The following SLC10A7 variants were observed in gnomAD, a reference collection of about 807,000 sequenced individuals.
The protein encoded by SLC10A7 is sodium/bile acid cotransporter 7.
A neutral mutation model predicts 43.2 loss-of-function variants in SLC10A7; 29 were observed. That is an observed-to-expected ratio of 0.67 (90% CI 0.50 to 0.92). The LOEUF is 0.92. SLC10A7 is among the 40% of genes least tolerant of loss of function. The pLI is 0.00. For missense variants in SLC10A7, 295 were observed against 403.2 expected (o/e 0.73, Z 2.30); for synonymous variants, 152 against 144.8 (o/e 1.05, Z -0.35).
chr4:146,483,926 C>T (rs2149991518), intron 4 of SLC10A7, among the ~76,000 whole-genome samples: 1 of 152,180 alleles, frequency 6.6e-6, no homozygotes, highest in Middle Eastern at 3.4e-3. Flanking sequence ...ATCAAGAGGA[C>T]ATAACCACAG....
chr4:146,300,186 G>T (rs1238575030), intron 7 of SLC10A7, among the ~76,000 whole-genome samples: 1 of 152,164 alleles, frequency 6.6e-6, no homozygotes, highest in Non-Finnish European at 1.5e-5. Flanking sequence ...TGAGACTGAA[G>T]AATTACTGAA....
chr4:146,294,021 G>GA lies in SLC10A7; in HGVS notation c.629dup (p.Leu211ProfsTer10). 1 of 1,612,512 alleles carries GA rather than the reference G, an allele frequency of 6.2e-7. No homozygotes were observed. Among genetic ancestry groups the GA allele is most frequent in the Non-Finnish European group, 8.5e-7 (1 of 1,178,968 alleles). ...AGAATGTTGTGTAGATGATCATGAG[G>GA]AGTACACTGCTGCTGATAGCACCAA... is the stretch of plus-strand genomic sequence containing the variant. On this transcript the variant is annotated frameshift_variant, in exon 8 of 12. Coordinates refer to ENST00000335472, the MANE Select transcript of SLC10A7 (RefSeq NM_001029998.6). LOFTEE classifies it high-confidence loss of function.
chr4:146,389,864 G>T (rs1368451284), intron 5 of SLC10A7, among the ~76,000 whole-genome samples: 1 of 152,194 alleles, frequency 6.6e-6, no homozygotes, highest in Non-Finnish European at 1.5e-5. Context: ...AAATGCAGAT[G>T]ACCATTCCTC....
intron 4 of SLC10A7, among the ~76,000 whole-genome samples, chr4:146,451,524 T>C (rs1731602733): frequency 1.3e-5 from 2 of 151,976 alleles, no homozygotes. Context: ...AAAACAATAG[T>C]ACACCATGAT....
intron 7 of SLC10A7, among the ~76,000 whole-genome samples, chr4:146,302,774 G>A (rs1381666334): frequency 1.3e-5 from 2 of 152,136 alleles, no homozygotes; most frequent in Non-Finnish European, 2.9e-5. Flanking sequence ...AACACTGTGG[G>A]AGAAGTATTT....
chr4:146,423,492 T>A (rs1014282312), intron 5 of SLC10A7, among the ~76,000 whole-genome samples: 1 of 152,214 alleles, frequency 6.6e-6, no homozygotes, highest in African/African-American at 2.4e-5. Context: ...GTCAAATGTT[T>A]CCTAATTATA....
chr4:146,379,111 C>A (rs1041035248), intron 5 of SLC10A7, among the ~76,000 whole-genome samples: 3 of 152,226 alleles, frequency 2.0e-5, no homozygotes, highest in Non-Finnish European at 4.4e-5. Context: ...ACTAGCCTAA[C>A]AGAATTGCAG....
chr4:146,329,150 A>T (rs1397788833), intron 5 of SLC10A7, among the ~76,000 whole-genome samples: 1 of 152,212 alleles, frequency 6.6e-6, no homozygotes, highest in Non-Finnish European at 1.5e-5. Flanking sequence ...CCAAAATAGT[A>T]AAAGTTTCCT....
At chr4:146,492,805 A>C (rs1332183315) in intron 4 of SLC10A7, among the ~76,000 whole-genome samples, 1 of 152,224 alleles carries the variant, frequency 6.6e-6, no homozygotes, top group Non-Finnish European at 1.5e-5. Flanking sequence ...AACAGTTTAA[A>C]GTGACAGAAT....
chr4:146,288,268 G>A (rs555587318), intron 9 of SLC10A7, among the ~76,000 whole-genome samples: 1 of 152,364 alleles, frequency 6.6e-6, no homozygotes, highest in South Asian at 2.1e-4. Flanking sequence ...AGCTGATAGA[G>A]CAGATGCTCA....
intron 1 of SLC10A7, among the ~76,000 whole-genome samples, chr4:146,518,454 C>G (rs965920529): frequency 1.3e-5 from 2 of 151,966 alleles, no homozygotes; most frequent in African/African-American, 2.4e-5. Flanking sequence ...GTCAATGTGC[C>G]AAGGCTGAGA....
chr4:146,406,531 A>G (rs1450630404), intron 5 of SLC10A7, among the ~76,000 whole-genome samples: 1 of 152,156 alleles, frequency 6.6e-6, no homozygotes, highest in Non-Finnish European at 1.5e-5. Flanking sequence ...CTGAAAGCTG[A>G]TCTCCACACT....
chr4:146,351,375 G>C (rs1272859001), intron 5 of SLC10A7, among the ~76,000 whole-genome samples: 1 of 152,094 alleles, frequency 6.6e-6, no homozygotes, highest in Non-Finnish European at 1.5e-5. Context: ...AGAAATATGG[G>C]ACTATGTGAA....
chr4:146,442,657 A>C, intron 5 of SLC10A7, 126 bp downstream of exon 5: 1 of 1,507,296 alleles, frequency 6.6e-7, no homozygotes, highest in East Asian at 2.5e-5. Context: ...ATACTGGCAC[A>C]TGAAAAGATT....
At chr4:146,325,715 T>C (rs1733056503) in intron 6 of SLC10A7, among the ~76,000 whole-genome samples, 4 of 152,214 alleles carry the variant, frequency 2.6e-5, no homozygotes, top group Admixed American at 2.0e-4. Context: ...GGGTCATTTA[T>C]TTGTAATATA....
At chr4:146,450,631 T>C (rs1273087989) in intron 4 of SLC10A7, among the ~76,000 whole-genome samples, 1 of 152,158 alleles carries the variant, frequency 6.6e-6, no homozygotes, top group African/African-American at 2.4e-5. Context: ...CTAGAAGGAC[T>C]GCCAGCACTG....
At chr4:146,417,784 T>A (rs533072348) in intron 5 of SLC10A7, among the ~76,000 whole-genome samples, 1 of 152,294 alleles carries the variant, frequency 6.6e-6, no homozygotes, top group East Asian at 1.9e-4. Context: ...TTTTCTTTGA[T>A]TCTTTCAGCT....
intron 10 of SLC10A7, among the ~76,000 whole-genome samples, chr4:146,270,702 T>C (rs370893525): frequency 1.4e-4 from 21 of 152,278 alleles, no homozygotes; most frequent in African/African-American, 5.1e-4. Flanking sequence ...AATTCAGCCA[T>C]GGTGCACCAG....
chr4:146,445,056 G>C (rs1730921561), intron 4 of SLC10A7, among the ~76,000 whole-genome samples: 1 of 152,074 alleles, frequency 6.6e-6, no homozygotes, highest in African/African-American at 2.4e-5. Context: ...ATGACGTCCA[G>C]GGCCTTCCAT....
Sources: gnomAD v4.1 joint callset for allele counts (sites outside exome capture counted in the v4.1 genomes callset) on GRCh38, gnomAD v4.1.1 for gene constraint, MANE v1.5 for transcripts, NCBI Gene and HGNC (gene_info 2026-07-23, HGNC 2026-07-21) for gene names.